The following CIITA variants were observed in gnomAD, a reference collection of about 807,000 sequenced individuals.
The protein encoded by CIITA is MHC class II transactivator.
In CIITA, 72 loss-of-function variants were observed where a neutral mutation model predicts 115.1. That is an observed-to-expected ratio of 0.63 (90% CI 0.52 to 0.76). The LOEUF is 0.76. Ranked by LOEUF, CIITA falls within the 30% of genes least tolerant of loss-of-function variation. CIITA has a pLI of 0.00. For missense variants in CIITA, 1,617 were observed against 1,463.8 expected (o/e 1.10, Z -1.71); for synonymous variants, 763 against 635.6 (o/e 1.20, Z -3.02).
intron 14 of CIITA, 94 bp from the exon 15 acceptor site, chr16:10,916,273 C>T (rs775409799): frequency 1.1e-5 from 12 of 1,138,162 alleles, no homozygotes; most frequent in East Asian, 5.0e-5. Flanking sequence ...GTGGGAAGGG[C>T]AGGTGCCAGG....
chr16:10,896,346 C>T (rs1168363478), intron 3 of CIITA, among the ~76,000 whole-genome samples: 1 of 152,132 alleles, frequency 6.6e-6, no homozygotes, highest in Non-Finnish European at 1.5e-5. Flanking sequence ...AGGTCTTTCT[C>T]GTTTCAAAGT....
chr16:10,913,931 A>AC (rs1162028406), intron 13 of CIITA, among the ~76,000 whole-genome samples: 1 of 131,276 alleles, frequency 7.6e-6, no homozygotes, highest in African/African-American at 2.8e-5. Flanking sequence ...ACAGAGTGAG[A>AC]CCCCATCTCA....
chr16:10,876,009 A>T (rs919162970), upstream of CIITA, among the ~76,000 whole-genome samples: 1 of 152,136 alleles, frequency 6.6e-6, no homozygotes, highest in Admixed American at 6.5e-5. Flanking sequence ...AATTAGCTGG[A>T]CATAGTGGCA....
At chr16:10,921,790 T>C (rs1239514329) in intron 16 of CIITA, among the ~76,000 whole-genome samples, 1 of 152,192 alleles carries the variant, frequency 6.6e-6, no homozygotes, top group South Asian at 2.1e-4. Context: ...TTGGTTTGCC[T>C]GTCTTTAAAA....
chr16:10,884,169 C>T (rs1488111848), intron 1 of CIITA, among the ~76,000 whole-genome samples: 1 of 152,212 alleles, frequency 6.6e-6, no homozygotes, highest in Admixed American at 6.5e-5. Flanking sequence ...CTGCCTCCAA[C>T]TGCTGAGAAG....
At chr16:10,894,427 T>C (rs2037916685) in intron 1 of CIITA, among the ~76,000 whole-genome samples, 1 of 152,236 alleles carries the variant, frequency 6.6e-6, no homozygotes, top group Non-Finnish European at 1.5e-5. Flanking sequence ...AACATTCGTG[T>C]ATAGGTTTTT....
chr16:10,900,294 T>G (rs2038587824), intron 5 of CIITA, among the ~76,000 whole-genome samples: 2 of 152,216 alleles, frequency 1.3e-5, no homozygotes, highest in Non-Finnish European at 2.9e-5. Context: ...CTTTCTTCAT[T>G]TACTTCATTA....
chr16:10,867,323 T>TAG (rs1567343258), intron 1 of CIITA, among the ~76,000 whole-genome samples: 1 of 142,726 alleles, frequency 7.0e-6, no homozygotes. Context: ...CTGTGTGTGT[T>TAG]GGGGGGGGGC....
chr16:10,871,067 A>T (rs1187645280), intron 1 of CIITA, among the ~76,000 whole-genome samples: 1 of 152,244 alleles, frequency 6.6e-6, no homozygotes, highest in Non-Finnish European at 1.5e-5. Context: ...AGACAGCCTG[A>T]GTGCCTGTCC....
chr16:10,910,089 T>G (rs761314399), intron 12 of CIITA, 99 bp from the exon 13 acceptor site: 25 of 961,490 alleles, frequency 2.6e-5, no homozygotes, highest in African/African-American at 4.8e-5. Context: ...GCAATCCCCC[T>G]GGGGAATTTG....
rs1567458102 is a variant in CIITA, at chr16:10,928,191, GA to G, written c.*4338del. ...GCCTGTAGAAAGGGGTCAATCGTTT[GA>G]ACCCTGCTTCACTTGGTGTGTATGT... On this transcript the variant is annotated 3_prime_UTR_variant, in exon 20 of 20. Coordinates refer to ENST00000324288, the MANE Select transcript of CIITA (RefSeq NM_000246.4). 9 of 152,312 alleles carry G rather than the reference GA, an allele frequency of 5.9e-5. No individual in the cohort carries two copies. Among genetic ancestry groups the G allele is most frequent in the African/African-American group, 1.9e-4 (8 of 41,534 alleles). The allele number at this position is 152,312 out of a possible 1,614,324, so 9.4% of individuals were successfully genotyped here. A position where few individuals can be genotyped will look rare whatever the true frequency, so the allele number is the denominator to read the frequency against.
chr16:10,866,218 G>T, upstream of CIITA: 1 of 442,808 alleles, frequency 2.3e-6, no homozygotes, highest in South Asian at 1.9e-5. Flanking sequence ...TTCATGTTTT[G>T]GATGCTGCAT....
rs1236323698 is a variant in CIITA at position 10,935,424 on chromosome 16, G to C, written c.*11569G>C. ...GGCCCTGTGACTTTAGCTGGCTTTG[G>C]TATTTGGCCAAAAGTTAATGACTTT... On this transcript the variant is annotated 3_prime_UTR_variant, in exon 20 of 20. Transcript: ENST00000324288. 6.6e-6 allele frequency: 1 copy of C among 152,160 alleles called. No individual in the cohort carries two copies. Among genetic ancestry groups the C allele is most frequent in the African/African-American group, 2.4e-5 (1 of 41,436 alleles). 9.4% of individuals were successfully genotyped at this position (152,160 alleles called of 1,614,324 possible).
In CIITA at chr16:10,941,834, A is replaced by G; in HGVS notation, n.960A>G. The G allele has an allele frequency of 1.2e-6, 2 of 1,613,402 alleles. No homozygotes were observed. Among genetic ancestry groups the G allele is most frequent in the Non-Finnish European group, 1.7e-6 (2 of 1,179,856 alleles). On this transcript the variant is annotated non_coding_transcript_exon_variant, in exon 2 of 2. Coordinates refer to the CIITA transcript ENST00000573379. The surrounding 1 kb of genome is among the most constrained non-coding windows in gnomAD (Gnocchi z 6.4). ...GCCTGGTCCATGTCCTCGGGCAGGA[A>G]GACGAGGCCCACGTTGAGGACGATG...
upstream of CIITA, among the ~76,000 whole-genome samples, chr16:10,876,961 T>A (rs1041575820): frequency 6.6e-6 from 1 of 152,194 alleles, no homozygotes; most frequent in South Asian, 2.1e-4. Flanking sequence ...CTGTTGAAGG[T>A]TCCCCCAACA....
At chr16:10,938,403 C>G (rs2041058979), downstream of CIITA, 1 of 151,874 alleles carries the variant, frequency 6.6e-6, no homozygotes, top group Non-Finnish European at 1.5e-5. This position sits in a 1 kb window ranked among gnomAD's most constrained non-coding sequence, Gnocchi z 4.9. Flanking sequence ...AAAGTAGGTG[C>G]ACCTGTTCAT....
In CIITA at chr16:10,906,659, A is replaced by G. The variant is rs372456158; in HGVS notation, c.1167A>G (p.Glu389=). The change falls in exon 11 of 20, where the codon GAA becomes GAG. Residue 389 remains glutamate, a synonymous_variant. Coordinates refer to ENST00000324288, the MANE Select transcript of CIITA (RefSeq NM_000246.4). ...AACTGGCCACCCCGGACTGGGCAGA[A>G]CGGCAGCTGGCCCAAGGAGGCCTGG... ...ERELATPDWA[E]RQLAQGGLAE... The G allele has an allele frequency of 1.1e-5, 17 of 1,613,526 alleles. No individual in the cohort carries two copies. The African/African-American group carries it at 1.3e-4, about 13-fold the overall frequency.
intron 5 of CIITA, among the ~76,000 whole-genome samples, 200 bp downstream of exon 5, chr16:10,899,202 C>G (rs757025208): frequency 6.6e-6 from 1 of 152,214 alleles, no homozygotes; most frequent in Non-Finnish European, 1.5e-5. Flanking sequence ...CTACAAAATA[C>G]ATGCCACAAG....
chr16:10,911,598 A>G (rs1052256080), intron 13 of CIITA, among the ~76,000 whole-genome samples: 4 of 148,092 alleles, frequency 2.7e-5, no homozygotes, highest in Middle Eastern at 3.2e-3. Flanking sequence ...TCTGTCCCTC[A>G]GGCTGGAGTT....
Sources: gnomAD v4.1 joint callset for allele counts (sites outside exome capture counted in the v4.1 genomes callset) on GRCh38, gnomAD v4.1.1 for gene constraint, Gnocchi (gnomAD v3.1) non-coding constraint, MANE v1.5 for transcripts, NCBI Gene and HGNC (gene_info 2026-07-23, HGNC 2026-07-21) for gene names.